The following PABPC4L variants were observed in gnomAD, a reference collection of about 807,000 sequenced individuals.
PABPC4L encodes the protein polyadenylate-binding protein 4-like.
For synonymous variants in PABPC4L, 169 were observed against 164.1 expected (o/e 1.03, Z -0.23); for missense variants, 452 against 451.4 (o/e 1.00, Z -0.01).
chr4:134,193,809 G>C (rs1055897595), downstream of PABPC4L, among the ~76,000 whole-genome samples: 34 of 151,844 alleles, frequency 2.2e-4, no homozygotes, highest in African/African-American at 8.2e-4. Context: ...AGAAAAAAAG[G>C]AGTTAGTTAT....
At chr4:134,082,144 T>A in the PABPC4L span, among the ~76,000 whole-genome samples, 14 of 152,172 alleles carry the variant, frequency 9.2e-5, no homozygotes, top group Non-Finnish European at 1.6e-4. Flanking sequence ...TCAAAAAGAA[T>A]AAAAGGGATG....
At chr4:133,961,042 G>C in the PABPC4L span, among the ~76,000 whole-genome samples, 46,368 of 151,926 alleles carry the variant, frequency 0.31, 10,907 homozygotes, top group African/African-American at 0.62. Flanking sequence ...ACCATTGGTT[G>C]CTCTCCTTAC....
the PABPC4L span, among the ~76,000 whole-genome samples, chr4:134,135,585 C>T: frequency 6.6e-6 from 1 of 152,020 alleles, no homozygotes; most frequent in Non-Finnish European, 1.5e-5. Flanking sequence ...GTAATCCCGG[C>T]ACTTGGGAGG....
downstream of PABPC4L, among the ~76,000 whole-genome samples, chr4:134,195,949 T>G (rs916767534): frequency 4.3e-4 from 65 of 151,622 alleles, no homozygotes; most frequent in African/African-American, 1.5e-3. Context: ...AAAGTGTAGA[T>G]TTTTTAAAAT....
At chr4:133,953,824 G>A in the PABPC4L span, among the ~76,000 whole-genome samples, 1 of 152,134 alleles carries the variant, frequency 6.6e-6, no homozygotes, top group African/African-American at 2.4e-5. Context: ...CTCTTCCCCA[G>A]TAAACAGAAT....
the PABPC4L span, among the ~76,000 whole-genome samples, chr4:134,052,647 T>C: frequency 1.3e-5 from 2 of 151,970 alleles, no homozygotes; most frequent in Non-Finnish European, 2.9e-5. Flanking sequence ...CCACCAATCC[T>C]GTGTGAAATT....
the PABPC4L span, among the ~76,000 whole-genome samples, chr4:134,132,349 C>A: frequency 6.6e-6 from 1 of 151,902 alleles, no homozygotes; most frequent in South Asian, 2.1e-4. Flanking sequence ...CTACAAGGAA[C>A]TCAAACAAAT....
chr4:134,062,142 G>T, the PABPC4L span, among the ~76,000 whole-genome samples: 1 of 151,502 alleles, frequency 6.6e-6, no homozygotes, highest in Admixed American at 6.6e-5. Flanking sequence ...TGTGTCAAAG[G>T]GTTTTAAGCC....
At chr4:133,988,863 A>G in the PABPC4L span, among the ~76,000 whole-genome samples, 6 of 152,014 alleles carry the variant, frequency 3.9e-5, no homozygotes, top group Middle Eastern at 0.01. Flanking sequence ...AACATCGCGC[A>G]TTTCCATACA....
At chr4:134,127,460 C>T in the PABPC4L span, among the ~76,000 whole-genome samples, 87 of 152,166 alleles carry the variant, frequency 5.7e-4, no homozygotes, top group Non-Finnish European at 1.0e-3. Context: ...GACCTGAAGA[C>T]GGCTCACATC....
downstream of PABPC4L, among the ~76,000 whole-genome samples, chr4:134,192,696 A>T (rs1156309786): frequency 1.3e-5 from 2 of 152,068 alleles, no homozygotes; most frequent in African/African-American, 4.8e-5. Context: ...CAATAAGTAC[A>T]CTACTACTAA....
the PABPC4L span, among the ~76,000 whole-genome samples, chr4:134,109,098 A>T: frequency 6.6e-6 from 1 of 151,964 alleles, no homozygotes; most frequent in Admixed American, 6.6e-5. Context: ...ATATTAGTTG[A>T]TTTGTAAGGT....
At chr4:134,066,951 T>C in the PABPC4L span, among the ~76,000 whole-genome samples, 3 of 152,168 alleles carry the variant, frequency 2.0e-5, no homozygotes, top group Non-Finnish European at 4.4e-5. Context: ...TAGTATTTTG[T>C]TGAGGATATT....
At chr4:134,105,229 T>A in the PABPC4L span, among the ~76,000 whole-genome samples, 8 of 151,522 alleles carry the variant, frequency 5.3e-5, no homozygotes, top group Admixed American at 5.3e-4. Context: ...AAAAAAGATA[T>A]CTCCAACTTA....
At chr4:134,085,554 A>G in the PABPC4L span, among the ~76,000 whole-genome samples, 2 of 152,146 alleles carry the variant, frequency 1.3e-5, no homozygotes, top group Non-Finnish European at 2.9e-5. Context: ...TACTGTAGAA[A>G]TCTGTGTCCT....
chr4:134,192,301 A>G (rs940380910), downstream of PABPC4L, among the ~76,000 whole-genome samples: 7 of 152,084 alleles, frequency 4.6e-5, no homozygotes, highest in South Asian at 1.4e-3. Context: ...TATACTATAT[A>G]TATGTACATA....
chr4:134,153,789 G>A, the PABPC4L span, among the ~76,000 whole-genome samples: 5 of 149,908 alleles, frequency 3.3e-5, no homozygotes, highest in Non-Finnish European at 5.9e-5. Flanking sequence ...TGGGACTACC[G>A]GGCATGTGCC....
chr4:134,146,547 A>G, the PABPC4L span, among the ~76,000 whole-genome samples: 1 of 152,046 alleles, frequency 6.6e-6, no homozygotes, highest in Non-Finnish European at 1.5e-5. Context: ...CAGGAGTGTT[A>G]CAGATCTTTT....
chr4:134,200,885 C>T lies in PABPC4L; in HGVS notation c.135G>A (p.Gln45=), dbSNP rs1024408471. 4.5e-6 allele frequency: 7 copies of T among 1,558,246 alleles called. No homozygotes were observed. Among genetic ancestry groups the T allele is most frequent in the Non-Finnish European group, 6.1e-6 (7 of 1,150,766 alleles). Residue 45 remains glutamine, a synonymous_variant, in exon 2 of 2, where the codon CAG becomes CAA. Transcript: ENST00000421491. ...PVLSIRICRD[Q]VTRRSLGYAY... ...CATAGCCCAGAGAGCGGCGGGTGAC[C>T]TGGTCCCTGCAAATGCGGATGGACA...
Sources: allele counts gnomAD v4.1 joint callset (sites outside exome capture counted in the v4.1 genomes callset), GRCh38; gene constraint gnomAD v4.1.1; transcripts MANE v1.5; gene names NCBI Gene and HGNC (gene_info 2026-07-23, HGNC 2026-07-21).